LRCH1: variants seen among roughly 807,000 people sequenced by gnomAD.
LRCH1 encodes leucine-rich repeat and calponin homology domain-containing protein 1.
In LRCH1, 23 loss-of-function variants were observed where a neutral mutation model predicts 94.9. The ratio of observed to expected loss-of-function variants is 0.24; its 90% CI spans 0.17 to 0.34. The LOEUF (loss-of-function observed/expected upper bound fraction) is 0.34. Among genes scored for constraint, LRCH1 ranks in the 10% least tolerant of loss-of-function variants. The pLI is 1.00. For missense variants in LRCH1, 790 were observed against 945.9 expected (o/e 0.84, Z 2.16); for synonymous variants, 364 against 354.9 (o/e 1.03, Z -0.29).
At chr13:46,603,383 G>A (rs950087696) in intron 1 of LRCH1, among the ~76,000 whole-genome samples, 11 of 152,004 alleles carry the variant, frequency 7.2e-5, no homozygotes, top group African/African-American at 2.2e-4. Flanking sequence ...TCTGTCAGCC[G>A]CCCTCCTTAC....
In LRCH1 at chr13:46,582,226, A is replaced by G. The variant is rs141016109; in HGVS notation, c.307+28523A>G. On this transcript the variant is annotated intron_variant, in intron 1 of 19. Coordinates refer to ENST00000389797, the MANE Select transcript of LRCH1 (RefSeq NM_001164211.2). ...GCTCATTTCATGATCTTGACAATTTAAAAAACCTGATTGCTGTTGCAGTAG... is the reference window on the plus strand; with the variant it reads ...GCTCATTTCATGATCTTGACAATTTGAAAAACCTGATTGCTGTTGCAGTAG... 2.0e-3 allele frequency among the ~76,000 whole-genome samples: 298 copies of G among 151,876 alleles called. 2 individuals carry two copies. The highest frequency in any genetic ancestry group is 6.3e-3 in the African/African-American group (263 of 41,484).
At chr13:46,682,022 C>T (rs979278595) in intron 4 of LRCH1, among the ~76,000 whole-genome samples, 176 bp downstream of exon 4, 1 of 149,726 alleles carries the variant, frequency 6.7e-6, no homozygotes, top group African/African-American at 2.5e-5. Flanking sequence ...AAGTGATGTT[C>T]AGGCTGTGAT....
intron 16 of LRCH1, among the ~76,000 whole-genome samples, 162 bp downstream of exon 16, chr13:46,715,826 G>T (rs1872293038): frequency 6.6e-6 from 1 of 152,050 alleles, no homozygotes; most frequent in Non-Finnish European, 1.5e-5. Flanking sequence ...AAGTGCACGT[G>T]GATTGTTCTC....
Position 46,553,379 on chromosome 13 carries a change from G to T in LRCH1, c.-18G>T, listed in dbSNP as rs777113262. The T allele has an allele frequency of 9.9e-6, 15 of 1,514,310 alleles. No individual in the cohort carries two copies. Among genetic ancestry groups the T allele is most frequent in the Non-Finnish European group, 1.3e-5 (15 of 1,133,516 alleles). 93.8% of individuals were successfully genotyped at this position (1,514,310 alleles called of 1,614,324 possible). ...CCCCGCAGGAGCGGCGGGGCGGGGT[G>T]GGGGGGCCCGGGAGAAGATGGCGAC... On this transcript the variant is annotated 5_prime_UTR_variant, in exon 1 of 20. Coordinates refer to ENST00000389797, the MANE Select transcript of LRCH1 (RefSeq NM_001164211.2).
intron 3 of LRCH1, among the ~76,000 whole-genome samples, chr13:46,676,247 A>G (rs1206523229): frequency 6.7e-6 from 1 of 148,318 alleles, no homozygotes; most frequent in African/African-American, 2.5e-5. Flanking sequence ...GGTGACAGAG[A>G]CTCCGTCTCG....
rs762747151 is a variant in LRCH1, at chr13:46,589,593, C to CTTTT, written c.307+35911_307+35914dup. On this transcript the variant is annotated intron_variant, in intron 1 of 19. Coordinates refer to ENST00000389797, the MANE Select transcript of LRCH1 (RefSeq NM_001164211.2). ...TCTAGCATCTAGAACAGTTCTCTCA[C>CTTTT]TTTTTTTTTTTTTTTTTTTTTTTTG... Among the ~76,000 whole-genome samples the CTTTT allele has an allele frequency of 1.1e-3, 88 of 77,700 alleles. 1 individual carries two copies. The highest frequency in any genetic ancestry group is 1.4e-3 in the East Asian group (3 of 2,154). The allele number at this position is 77,700 out of a possible 152,430, so 51.0% of individuals were successfully genotyped here.
At chr13:46,660,428 A>G (rs1410280170) in intron 2 of LRCH1, among the ~76,000 whole-genome samples, 2 of 152,154 alleles carry the variant, frequency 1.3e-5, no homozygotes, top group Admixed American at 6.5e-5. Context: ...ATGTATATAT[A>G]TATGATCAAT....
intron 1 of LRCH1, among the ~76,000 whole-genome samples, chr13:46,583,191 T>G (rs2050392535): frequency 6.6e-6 from 1 of 152,212 alleles, no homozygotes; most frequent in Admixed American, 6.5e-5. Flanking sequence ...AACAAGTCGA[T>G]TCTAGCTTTC....
intron 1 of LRCH1, among the ~76,000 whole-genome samples, chr13:46,616,174 T>A (rs2050805810): frequency 6.6e-6 from 1 of 152,178 alleles, no homozygotes; most frequent in Non-Finnish European, 1.5e-5. Context: ...TTTAGTGAAT[T>A]GGAACAATAC....
Position 46,699,402 on chromosome 13 carries a change from A to T in LRCH1, c.1312A>T (p.Ile438Leu). The change falls in exon 10 of 20, where the codon ATA becomes TTA. Residue 438 changes from isoleucine to leucine, a missense_variant and splice_region_variant. Physicochemically the swap from Ile to Leu is conservative, Grantham distance 5. Around this residue, in one of 3 missense-constraint regions of LRCH1, gnomAD observed 460 missense variants for 508.9 expected, o/e 0.90. Transcript: ENST00000389797. ...EEDVHWQTEGIISSSKDQDMD... is the reference protein window; with the variant it reads ...EEDVHWQTEGLISSSKDQDMD... Reference sequence around the variant, plus strand: ...GGATGTGCACTGGCAAACTGAGGGCATGTGAGTGCCGAGGCCTTGGTTACA... The same window carrying T: ...GGATGTGCACTGGCAAACTGAGGGCTTGTGAGTGCCGAGGCCTTGGTTACA... The T allele has an allele frequency of 1.2e-6, 2 of 1,613,864 alleles. No homozygotes were observed. Among genetic ancestry groups the T allele is most frequent in the Non-Finnish European group, 1.7e-6 (2 of 1,179,706 alleles).
chr13:46,708,629 C>G (rs954096533), intron 13 of LRCH1, among the ~76,000 whole-genome samples: 1 of 152,180 alleles, frequency 6.6e-6, no homozygotes, highest in African/African-American at 2.4e-5. Context: ...CTACCCAATT[C>G]CAATGGTTAT....
At chr13:46,718,296 T>A (rs1872424297) in intron 16 of LRCH1, among the ~76,000 whole-genome samples, 1 of 152,202 alleles carries the variant, frequency 6.6e-6, no homozygotes, top group African/African-American at 2.4e-5. Context: ...CTTGTACCAG[T>A]TTACAGATAT....
intron 2 of LRCH1, among the ~76,000 whole-genome samples, chr13:46,658,604 G>A (rs540440175): frequency 1.1e-4 from 17 of 152,082 alleles, no homozygotes; most frequent in East Asian, 1.9e-4. Context: ...CTTAGCCTCC[G>A]CAGGAGCTGG....
At chr13:46,554,449 T>C (rs2050040741) in intron 1 of LRCH1, among the ~76,000 whole-genome samples, 2 of 152,152 alleles carry the variant, frequency 1.3e-5, no homozygotes. Flanking sequence ...CCACCGAGGC[T>C]ACCTGGTTCT....
At chr13:46,667,324 C>G (rs1169224603) in intron 2 of LRCH1, among the ~76,000 whole-genome samples, 1 of 152,158 alleles carries the variant, frequency 6.6e-6, no homozygotes, top group East Asian at 1.9e-4. Flanking sequence ...TCAGGTAGAG[C>G]TGCCCTTCAG....
intron 1 of LRCH1, among the ~76,000 whole-genome samples, chr13:46,588,634 T>G (rs1318920896): frequency 6.9e-6 from 1 of 145,658 alleles, no homozygotes; most frequent in Non-Finnish European, 1.5e-5. Flanking sequence ...GTCATCTCGC[T>G]CTGTCACCCA....
At chr13:46,697,175 T>C (rs1871240422) in intron 9 of LRCH1, among the ~76,000 whole-genome samples, 1 of 152,226 alleles carries the variant, frequency 6.6e-6, no homozygotes, top group South Asian at 2.1e-4. Context: ...AGTTATGTTG[T>C]GTGACATCAC....
rs2050020787 is a variant in LRCH1, at chr13:46,553,354, C to T, written c.-43C>T. On this transcript the variant is annotated 5_prime_UTR_variant, in exon 1 of 20. Transcript: ENST00000389797. ...CCCCTCGCGGGGAACGCTGTGACCCCCCCGCAGGAGCGGCGGGGCGGGGTG... is the reference window on the plus strand; with the variant it reads ...CCCCTCGCGGGGAACGCTGTGACCCTCCCGCAGGAGCGGCGGGGCGGGGTG... The T allele has an allele frequency of 6.7e-7, 1 of 1,484,890 alleles. No individual in the cohort carries two copies. The highest frequency in any genetic ancestry group is 9.0e-7 in the Non-Finnish European group (1 of 1,109,330). 92.0% of individuals were successfully genotyped at this position (1,484,890 alleles called of 1,614,324 possible).
intron 1 of LRCH1, among the ~76,000 whole-genome samples, chr13:46,626,034 A>T (rs1162587614): frequency 6.6e-6 from 1 of 152,208 alleles, no homozygotes; most frequent in African/African-American, 2.4e-5. Context: ...TATATTCAGC[A>T]GTATTCTATG....
Sources: gnomAD v4.1 joint callset for allele counts (sites outside exome capture counted in the v4.1 genomes callset) on GRCh38, gnomAD v4.1.1 for gene constraint, gnomAD v4.1.1 regional missense constraint, MANE v1.5 for transcripts, NCBI Gene and HGNC (gene_info 2026-07-23, HGNC 2026-07-21) for gene names.